The following LRP1B variants were observed in gnomAD, a reference collection of about 807,000 sequenced individuals.
LRP1B encodes low-density lipoprotein receptor-related protein 1B.
Under a neutral mutation model 556.6 loss-of-function variants are expected in LRP1B, and 217 were observed. The observed-to-expected ratio is 0.39, with a 90% CI of 0.35 to 0.44. The LOEUF is 0.44. Among genes scored for constraint, LRP1B ranks in the 20% least tolerant of loss-of-function variants. The pLI is 1.00. For synonymous variants in LRP1B, 2,047 were observed against 1,865.8 expected, an observed-to-expected ratio of 1.10 and a Z score of -2.50; for missense variants, 5,053 against 5,620.8, an observed-to-expected ratio of 0.90 and a Z score of 3.23.
At chr2:141,438,289 G>A (rs985549231) in intron 3 of LRP1B, among the ~76,000 whole-genome samples, 1 of 152,002 alleles carries the variant, frequency 6.6e-6, no homozygotes, top group East Asian at 1.9e-4. Context: ...GTATGTGTGT[G>A]CATGTGTGTA....
In LRP1B at chr2:142,055,838, A is replaced by G. The variant is rs144524454; in HGVS notation, c.82+74810T>C. ...ATATGAGTGTCTCTTCTGGTAGACT[A>G]TTTCTCTATTTTTCAGAAGTGTTCA... On this transcript the variant is annotated intron_variant, in intron 1 of 90. Coordinates refer to ENST00000389484, the MANE Select transcript of LRP1B (RefSeq NM_018557.3). Among the ~76,000 whole-genome samples, 700 of 152,152 alleles carry G rather than the reference A, an allele frequency of 4.6e-3. 7 individuals carry two copies. The highest frequency in any genetic ancestry group is 0.016 in the African/African-American group (679 of 41,524).
rs148114444 is a variant in LRP1B at position 140,715,981 on chromosome 2, T to C, written c.6015A>G (p.Pro2005=). 1.3e-6 allele frequency: 2 copies of C among 1,578,422 alleles called. No individual in the cohort carries two copies. Among genetic ancestry groups the C allele is most frequent in the African/African-American group, 2.7e-5 (2 of 73,874 alleles). The stretch of plus-strand genomic sequence containing the variant: ...GTAAATCTTAAAATTACCCTTTCTC[T>C]GGGTGCACAGCTATAGATCTTGGTT... The part of the protein sequence containing the change: ...LDQPRSIAVH[P]EKGLLFWTEW... Residue 2005 remains proline, a synonymous_variant, in exon 37 of 91, where the codon CCA becomes CCG. Transcript: ENST00000389484.
chr2:141,247,927 G>A (rs1186192841), intron 4 of LRP1B, among the ~76,000 whole-genome samples: 1 of 151,950 alleles, frequency 6.6e-6, no homozygotes, highest in Non-Finnish European at 1.5e-5. Flanking sequence ...CCTGTAATAG[G>A]CTGGGCACTG....
intron 7 of LRP1B, among the ~76,000 whole-genome samples, chr2:141,168,247 C>T (rs1374717224): frequency 6.6e-6 from 1 of 152,004 alleles, no homozygotes; most frequent in Non-Finnish European, 1.5e-5. Context: ...ATTCAGCATC[C>T]TATTTTACCA....
chr2:142,078,949 T>C (rs1303426656), intron 1 of LRP1B, among the ~76,000 whole-genome samples: 4 of 152,208 alleles, frequency 2.6e-5, no homozygotes, highest in African/African-American at 9.6e-5. Flanking sequence ...TAAATAGTTC[T>C]AGCCTTAAAT....
intron 86 of LRP1B, among the ~76,000 whole-genome samples, chr2:140,258,953 A>G (rs749809098): frequency 3.3e-5 from 5 of 152,144 alleles, no homozygotes; most frequent in Non-Finnish European, 7.4e-5. Flanking sequence ...TCAGATGACT[A>G]TGTCATTAAG....
chr2:141,406,957 A>G lies in LRP1B; in HGVS notation c.343+73439T>C, dbSNP rs150687165. Among the ~76,000 whole-genome samples the G allele has an allele frequency of 2.6e-4, 39 of 152,294 alleles. No homozygotes were observed. The East Asian group carries it at 7.3e-3, about 29-fold the overall frequency. ...ATATACAGACTAGAATCAAGTCATG[A>G]CTAGATAAAGCATTTTAAGGGCATT... On this transcript the variant is annotated intron_variant, in intron 3 of 90. Coordinates refer to ENST00000389484, the MANE Select transcript of LRP1B (RefSeq NM_018557.3).
At chr2:140,591,413 G>C (rs1371791437) in intron 43 of LRP1B, among the ~76,000 whole-genome samples, 1 of 152,226 alleles carries the variant, frequency 6.6e-6, no homozygotes, top group Non-Finnish European at 1.5e-5. Flanking sequence ...GCTATTGACA[G>C]ACCCAACATC....
chr2:141,915,483 A>C (rs1395722188), intron 1 of LRP1B, among the ~76,000 whole-genome samples: 1 of 152,226 alleles, frequency 6.6e-6, no homozygotes, highest in Non-Finnish European at 1.5e-5. Flanking sequence ...ACCTCAAAGT[A>C]GAAGAAAACC....
At chr2:140,356,244 G>A (rs954467305) in intron 75 of LRP1B, 98 bp downstream of exon 75, 9 of 1,230,750 alleles carry the variant, frequency 7.3e-6, no homozygotes, top group Non-Finnish European at 1.1e-5. Flanking sequence ...ACACCATTTT[G>A]ATGAAAGTCA....
At chr2:141,707,715 C>A (rs1692195945) in intron 2 of LRP1B, among the ~76,000 whole-genome samples, 1 of 152,146 alleles carries the variant, frequency 6.6e-6, no homozygotes, top group Admixed American at 6.6e-5. Flanking sequence ...ACTGACTGTG[C>A]AGTCTAGTTA....
chr2:141,753,177 G>A (rs192179919), intron 2 of LRP1B, among the ~76,000 whole-genome samples: 70 of 144,734 alleles, frequency 4.8e-4, no homozygotes, highest in African/African-American at 1.7e-3. Context: ...GAACCTGGGA[G>A]GGGGAGGTTG....
At position 142,111,131 on chromosome 2, in the gene LRP1B, G is replaced by A. The variant is rs554333820; in HGVS notation, c.82+19517C>T. Among the ~76,000 whole-genome samples the A allele has an allele frequency of 5.9e-5, 9 of 152,210 alleles. No homozygotes were observed. In the South Asian group the frequency reaches 1.9e-3, roughly 32 times the overall value. On this transcript the variant is annotated intron_variant, in intron 1 of 90. Transcript: ENST00000389484. Reference sequence around the variant, plus strand: ...TAACTGCCCACTGTGGGCAAAACTGGAGATCCAGAAAAGTATGTATGTAAT... The same window carrying A: ...TAACTGCCCACTGTGGGCAAAACTGAAGATCCAGAAAAGTATGTATGTAAT...
At chr2:141,407,139 C>CA (rs1553509930) in intron 3 of LRP1B, among the ~76,000 whole-genome samples, 2 of 152,012 alleles carry the variant, frequency 1.3e-5, no homozygotes, top group African/African-American at 4.8e-5. Context: ...TAAATAGAAA[C>CA]TTTTTTTGGT....
intron 1 of LRP1B, among the ~76,000 whole-genome samples, chr2:141,892,903 A>T (rs1699333394): frequency 6.6e-6 from 1 of 152,188 alleles, no homozygotes; most frequent in Non-Finnish European, 1.5e-5. Flanking sequence ...CTTTGACATG[A>T]CAATCTGAGC....
chr2:140,247,112 C>A lies in LRP1B; in HGVS notation c.13298G>T (p.Ser4433Ile), dbSNP rs1354136386. ...GTQCERPAPK[S>I]SKSDHISTRS... ...TGTGCTGATATGATCAGACTTGCTG[C>A]TCTTTGGGGCTGGCCTTTCACACTG... The change falls in exon 87 of 91, where the codon AGC (serine) becomes ATC (isoleucine). Residue 4433 changes from serine (S) to isoleucine (I), a missense_variant. Physicochemically the swap from Ser to Ile is moderately radical, Grantham distance 142. Coordinates refer to ENST00000389484, the MANE Select transcript of LRP1B (RefSeq NM_018557.3). The A allele has an allele frequency of 1.9e-6, 3 of 1,609,206 alleles. No individual in the cohort carries two copies. The African/African-American group carries it at 4.0e-5, about 22-fold the overall frequency.
At chr2:141,266,001 T>G (rs575214020) in intron 3 of LRP1B, among the ~76,000 whole-genome samples, 2 of 152,244 alleles carry the variant, frequency 1.3e-5, no homozygotes, top group African/African-American at 2.4e-5. Flanking sequence ...GGAAGTGATA[T>G]GCATAACTTC....
At chr2:141,100,390 G>C (rs977740123) in intron 7 of LRP1B, among the ~76,000 whole-genome samples, 1 of 152,160 alleles carries the variant, frequency 6.6e-6, no homozygotes, top group East Asian at 1.9e-4. Context: ...CTCTAACTGA[G>C]GACATCCTAC....
chr2:141,013,338 T>C (rs940517728), intron 14 of LRP1B, among the ~76,000 whole-genome samples: 1 of 151,928 alleles, frequency 6.6e-6, no homozygotes, highest in Non-Finnish European at 1.5e-5. Context: ...ACCTTAAACC[T>C]CACTCATATG....
Sources: allele counts gnomAD v4.1 joint callset (sites outside exome capture counted in the v4.1 genomes callset), GRCh38; gene constraint gnomAD v4.1.1; transcripts MANE v1.5; gene names NCBI Gene and HGNC (gene_info 2026-07-23, HGNC 2026-07-21).